The following SDC2 variants were observed in gnomAD, a reference collection of about 807,000 sequenced individuals.
SDC2 encodes syndecan-2.
A neutral mutation model predicts 22.2 loss-of-function variants in SDC2; 13 were observed. The ratio of observed to expected loss-of-function variants is 0.59; its 90% CI spans 0.38 to 0.93. The LOEUF (loss-of-function observed/expected upper bound fraction) is 0.93. Ranked by LOEUF, SDC2 falls within the 40% of genes least tolerant of loss-of-function variation. SDC2 has a pLI of 0.00. For synonymous variants in SDC2, 94 were observed against 92.8 expected (o/e 1.01, Z -0.07); for missense variants, 235 against 246.8 (o/e 0.95, Z 0.32).
chr8:96,554,100 A>G (rs1451017858), intron 1 of SDC2, among the ~76,000 whole-genome samples: 1 of 152,124 alleles, frequency 6.6e-6, no homozygotes, highest in Non-Finnish European at 1.5e-5. Flanking sequence ...CTAATTTTAT[A>G]TAAAGATTCT....
At chr8:96,506,888 A>G (rs1245992821) in intron 1 of SDC2, among the ~76,000 whole-genome samples, 1 of 152,022 alleles carries the variant, frequency 6.6e-6, no homozygotes, top group Non-Finnish European at 1.5e-5. Context: ...GGGCGCCTGT[A>G]GTCCCAGCTA....
intron 1 of SDC2, among the ~76,000 whole-genome samples, chr8:96,574,588 A>G (rs1395601567): frequency 6.6e-6 from 1 of 152,176 alleles, no homozygotes; most frequent in Admixed American, 6.5e-5. Flanking sequence ...ATTAGCTGAA[A>G]TAACAGCCAG....
intron 1 of SDC2, among the ~76,000 whole-genome samples, chr8:96,504,702 G>A (rs552642176): frequency 8.4e-4 from 128 of 152,150 alleles, no homozygotes; most frequent in African/African-American, 2.7e-3. Context: ...AAATATATAC[G>A]CATATGTTTT....
At position 96,608,461 on chromosome 8, in the gene SDC2, G is replaced by A; in HGVS notation, c.433G>A (p.Val145Ile). ...AGACAGTCTGTTTAAACGGACAGAA[G>A]TCCTAGCAGGTGAGTAGCCTGGTGG... The part of the protein sequence containing the change: ...HSDSLFKRTE[V>I]LAAVIAGGVI... The change falls in exon 4 of 5, where the codon GTC becomes ATC. Residue 145 changes from valine to isoleucine, a missense_variant. Physicochemically the swap from Val to Ile is conservative, Grantham distance 29 (BLOSUM62 3). Transcript: ENST00000302190. The A allele has an allele frequency of 6.2e-7, 1 of 1,611,998 alleles. No homozygotes were observed. Among genetic ancestry groups the A allele is most frequent in the Non-Finnish European group, 8.5e-7 (1 of 1,178,996 alleles).
rs778389836 is a variant in SDC2, at chr8:96,609,555, A to C, written c.*7A>C. The C allele has an allele frequency of 1.3e-5, 20 of 1,571,412 alleles. No homozygotes were observed. Among genetic ancestry groups the C allele is most frequent in the Non-Finnish European group, 4.3e-6 (5 of 1,157,366 alleles). On this transcript the variant is annotated 3_prime_UTR_variant, in exon 5 of 5. Transcript: ENST00000302190. Reference sequence around the variant, plus strand: ...TAAGGAGTTTTATGCGTAAAACTCCAACTTAGTGTCTCTATTTATGAGATC... The same window carrying C: ...TAAGGAGTTTTATGCGTAAAACTCCCACTTAGTGTCTCTATTTATGAGATC...
At chr8:96,502,992 A>G (rs912456914) in intron 1 of SDC2, among the ~76,000 whole-genome samples, 1 of 152,210 alleles carries the variant, frequency 6.6e-6, no homozygotes, top group Admixed American at 6.5e-5. Flanking sequence ...CTACTTTTTC[A>G]TAACAGGGGC....
At chr8:96,556,883 A>T (rs1156674366) in intron 1 of SDC2, among the ~76,000 whole-genome samples, 3 of 151,432 alleles carry the variant, frequency 2.0e-5, no homozygotes, top group African/African-American at 7.2e-5. Flanking sequence ...CATCTGACAA[A>T]GGGCTAATAT....
chr8:96,595,792 GC>G (rs1814864747), intron 2 of SDC2, among the ~76,000 whole-genome samples: 1 of 152,174 alleles, frequency 6.6e-6, no homozygotes, highest in South Asian at 2.1e-4. Context: ...CAGACCCCCT[GC>G]CCCCATCCAG....
At position 96,576,383 on chromosome 8, in the gene SDC2, T is replaced by TTTTTTTTC. The variant is rs1563667807; in HGVS notation, c.61-17097_61-17096insTTTTTTTC. On this transcript the variant is annotated intron_variant, in intron 1 of 4. Transcript: ENST00000302190. ...TTGGTAGTTTGTTTTTGTTTTGTTT[T>TTTTTTTTC]GTTTTTTTTTACCAGATTTGCTTTA... 2.7e-4 allele frequency among the ~76,000 whole-genome samples: 24 copies of TTTTTTTTC among 88,372 alleles called. 1 individual carries two copies. Among genetic ancestry groups the TTTTTTTTC allele is most frequent in the African/African-American group, 1.1e-3 (24 of 22,164 alleles). The allele number at this position is 88,372 out of a possible 152,430, so 58.0% of individuals were successfully genotyped here. A position where few individuals can be genotyped will look rare whatever the true frequency, so the allele number is the denominator to read the frequency against.
In SDC2 at chr8:96,608,348, C is replaced by G. The variant is rs1339856460; in HGVS notation, c.320C>G (p.Thr107Ser). ...IPAQTKSPEE[T>S]DKEKVHLSDS... is the part of the protein sequence containing the mutation. ...TTCCCATACCAGTCACCTGAAGAAA[C>G]TGATAAAGAGAAAGTTCACCTCTCT... The change falls in exon 4 of 5, where the codon ACT becomes AGT. Residue 107 changes from threonine to serine, a missense_variant. Thr to Ser is a moderately conservative substitution (Grantham distance 58, BLOSUM62 1). Transcript: ENST00000302190. 7 of 1,612,800 alleles carry G rather than the reference C, an allele frequency of 4.3e-6. No homozygotes were observed. Among genetic ancestry groups the G allele is most frequent in the African/African-American group, 1.3e-5 (1 of 74,882 alleles).
chr8:96,584,488 G>A (rs1028406203), intron 1 of SDC2, among the ~76,000 whole-genome samples: 2 of 152,212 alleles, frequency 1.3e-5, no homozygotes, highest in African/African-American at 4.8e-5. Flanking sequence ...CATTATGGTA[G>A]TTTTTACAAA....
chr8:96,557,963 G>C (rs923383698), intron 1 of SDC2, among the ~76,000 whole-genome samples: 1 of 152,108 alleles, frequency 6.6e-6, no homozygotes, highest in African/African-American at 2.4e-5. Context: ...CTTATCCTGA[G>C]GATAGATGTT....
At chr8:96,518,930 G>A (rs190729808) in intron 1 of SDC2, among the ~76,000 whole-genome samples, 151 of 152,270 alleles carry the variant, frequency 9.9e-4, no homozygotes, top group Non-Finnish European at 1.8e-3. Flanking sequence ...CAAGAAGTGT[G>A]CATGTCTGTC....
Position 96,602,419 on chromosome 8 carries a change from C to G in SDC2, c.197C>G (p.Pro66Arg), listed in dbSNP as rs1341466342. The G allele has an allele frequency of 1.2e-6, 2 of 1,613,990 alleles. No homozygotes were observed. Among genetic ancestry groups the G allele is most frequent in the Non-Finnish European group, 1.7e-6 (2 of 1,179,984 alleles). The change falls in exon 3 of 5, where the codon CCA becomes CGA. Residue 66 changes from proline (P) to arginine (R), a missense_variant. Physicochemically the swap from Pro to Arg is moderately radical, Grantham distance 103. Transcript: ENST00000302190. ...GGAGCTGATGAGGATGTAGAGAGTC[C>G]AGAGCTGACAACATCTCGACCACTT... is the stretch of plus-strand genomic sequence containing the variant. Reference protein sequence around the residue: ...GSGADEDVESPELTTSRPLPK... With the variant: ...GSGADEDVESRELTTSRPLPK...
At chr8:96,514,565 G>A (rs16894667) in intron 1 of SDC2, among the ~76,000 whole-genome samples, 1,688 of 152,228 alleles carry the variant, frequency 0.011, 44 homozygotes, top group African/African-American at 0.039. Context: ...CAAGAACCCT[G>A]AAACACCTAA....
chr8:96,524,751 A>G (rs192929742), intron 1 of SDC2, among the ~76,000 whole-genome samples: 37 of 152,264 alleles, frequency 2.4e-4, no homozygotes, highest in Non-Finnish European at 3.8e-4. Flanking sequence ...CTCCTTTCCA[A>G]TACAAGTCAG....
chr8:96,563,865 A>G (rs1031243368), intron 1 of SDC2, among the ~76,000 whole-genome samples: 6 of 152,166 alleles, frequency 3.9e-5, no homozygotes, highest in African/African-American at 1.4e-4. Context: ...TGATGAATTG[A>G]AGGTTATACT....
At chr8:96,535,510 G>A (rs964239431) in intron 1 of SDC2, among the ~76,000 whole-genome samples, 1 of 152,192 alleles carries the variant, frequency 6.6e-6, no homozygotes, top group African/African-American at 2.4e-5. Context: ...AATAAAAGAG[G>A]CTTCTCAGAT....
chr8:96,535,303 G>A (rs1480633782), intron 1 of SDC2, among the ~76,000 whole-genome samples: 4 of 152,116 alleles, frequency 2.6e-5, no homozygotes, highest in Non-Finnish European at 4.4e-5. Flanking sequence ...CACTGTGCCC[G>A]GCCCCAAATA....
Sources: gnomAD v4.1 joint callset for allele counts (sites outside exome capture counted in the v4.1 genomes callset) on GRCh38, gnomAD v4.1.1 for gene constraint, MANE v1.5 for transcripts, NCBI Gene and HGNC (gene_info 2026-07-23, HGNC 2026-07-21) for gene names.